The following THRB variants were observed in gnomAD, a reference collection of about 807,000 sequenced individuals.
THRB encodes nuclear receptor subfamily 1 group A member 2.
Under a neutral mutation model 47.8 loss-of-function variants are expected in THRB, and 12 were observed. That is an observed-to-expected ratio of 0.25 (90% CI 0.16 to 0.41). The LOEUF (loss-of-function observed/expected upper bound fraction) is 0.41. THRB is among the 10% of genes least tolerant of loss of function. The pLI is 1.00. For missense variants in THRB, 348 were observed against 589.2 expected, an observed-to-expected ratio of 0.59 and a Z score of 4.24; for synonymous variants, 218 against 212.2, an observed-to-expected ratio of 1.03 and a Z score of -0.24.
chr3:24,225,693 ATCACGGT>A (rs1425057593), intron 4 of THRB, among the ~76,000 whole-genome samples: 1 of 152,230 alleles, frequency 6.6e-6, no homozygotes, highest in Admixed American at 6.5e-5. Flanking sequence ...TATGCTGAGG[ATCACGGT>A]TTTATTAAAA....
intron 2 of THRB, among the ~76,000 whole-genome samples, chr3:24,302,513 C>T (rs1400086499): frequency 6.6e-6 from 1 of 152,150 alleles, no homozygotes. Flanking sequence ...GTCTCAAGGC[C>T]TTTGAACTTG....
intron 3 of THRB, among the ~76,000 whole-genome samples, chr3:24,240,666 C>G (rs1266558426): frequency 2.0e-5 from 3 of 152,158 alleles, no homozygotes; most frequent in Non-Finnish European, 4.4e-5. Flanking sequence ...ATAGCATAAG[C>G]TAAACTAGTG....
At chr3:24,276,221 T>C (rs192943593) in intron 3 of THRB, among the ~76,000 whole-genome samples, 331 of 152,314 alleles carry the variant, frequency 2.2e-3, no homozygotes, top group Non-Finnish European at 3.7e-3. Flanking sequence ...AGTTAGTGTA[T>C]AATAATTGGT....
At chr3:24,417,932 G>A (rs1199361390) in intron 1 of THRB, among the ~76,000 whole-genome samples, 2 of 151,870 alleles carry the variant, frequency 1.3e-5, no homozygotes, top group East Asian at 3.9e-4. Flanking sequence ...AAGTGGCAGA[G>A]TCACATTCAA....
chr3:24,135,460 T>C (rs1288753597), intron 8 of THRB, among the ~76,000 whole-genome samples: 1 of 152,170 alleles, frequency 6.6e-6, no homozygotes, highest in East Asian at 1.9e-4. Context: ...TGAAACCTGG[T>C]TTCTGTCGTG....
At chr3:24,268,457 C>A (rs905179069) in intron 3 of THRB, among the ~76,000 whole-genome samples, 3 of 152,192 alleles carry the variant, frequency 2.0e-5, no homozygotes, top group East Asian at 1.9e-4. Context: ...TTAAAAAAGA[C>A]CTCATTTAGA....
intron 1 of THRB, among the ~76,000 whole-genome samples, chr3:24,344,559 A>C (rs180732881): frequency 0.01 from 1,546 of 152,216 alleles, 9 homozygotes; most frequent in South Asian, 0.016. Context: ...TATATAGAAA[A>C]ATATTCTCAC....
In THRB at chr3:24,246,278, G is replaced by A. The variant is rs140111667; in HGVS notation, c.-42-17277C>T. 4.3e-3 allele frequency among the ~76,000 whole-genome samples: 656 copies of A among 152,244 alleles called. 3 individuals carry two copies. The highest frequency in any genetic ancestry group is 0.016 in the South Asian group (78 of 4,826). On this transcript the variant is annotated intron_variant, in intron 3 of 10. Transcript: ENST00000646209. ...AATTCCGTAGGGTCCTGGTCATTTT[G>A]TTACACACCAAGAGAAGAGCTGGCA...
At chr3:24,366,982 T>C (rs2064520788) in intron 1 of THRB, among the ~76,000 whole-genome samples, 1 of 152,152 alleles carries the variant, frequency 6.6e-6, no homozygotes, top group Non-Finnish European at 1.5e-5. Flanking sequence ...ATCAATTTTT[T>C]TTTCTGTGAC....
chr3:24,305,931 C>G lies in THRB; in HGVS notation c.-188-8560G>C, dbSNP rs561853456. Among the ~76,000 whole-genome samples, 106 of 152,260 alleles carry G rather than the reference C, an allele frequency of 7.0e-4. 3 individuals carry two copies. The South Asian group carries it at 0.021, about 30-fold the overall frequency. ...CTTTTTTTCCAAGACTGGGCTGACT[C>G]CCAAGAAATCTGAGTCTATCTCCTC... On this transcript the variant is annotated intron_variant, in intron 2 of 10. Transcript: ENST00000646209.
At chr3:24,238,553 C>T (rs2150214418) in intron 3 of THRB, among the ~76,000 whole-genome samples, 1 of 152,158 alleles carries the variant, frequency 6.6e-6, no homozygotes, top group South Asian at 2.1e-4. Context: ...CAATCCACTC[C>T]CTTCTGCAAC....
chr3:24,224,274 A>G lies in THRB; in HGVS notation c.22+4664T>C, dbSNP rs62253718. 4.4e-3 allele frequency among the ~76,000 whole-genome samples: 665 copies of G among 152,310 alleles called. 3 individuals carry two copies. Among genetic ancestry groups the G allele is most frequent in the Non-Finnish European group, 7.8e-3 (529 of 68,022 alleles). On this transcript the variant is annotated intron_variant, in intron 4 of 10. Transcript: ENST00000646209. The stretch of plus-strand genomic sequence containing the variant: ...AATAAATATGTATTCATCGTATATT[A>G]TTTATAACAATATTATGTTAATAGC...
Position 24,154,193 on chromosome 3 carries a change from G to A in THRB, c.284-1703C>T, listed in dbSNP as rs956237010. The stretch of plus-strand genomic sequence containing the variant: ...TTTACTTTTGCATCATGCAAACCAT[G>A]ATTCATCTGTTGAGTTCACTGCAAG... On this transcript the variant is annotated intron_variant, in intron 5 of 10. Coordinates refer to ENST00000646209, the MANE Select transcript of THRB (RefSeq NM_001354712.2). Among the ~76,000 whole-genome samples the A allele has an allele frequency of 2.0e-5, 3 of 152,120 alleles. No homozygotes were observed. The East Asian group carries it at 5.8e-4, about 29-fold the overall frequency.
At chr3:24,279,551 A>AT (rs763650108) in intron 3 of THRB, among the ~76,000 whole-genome samples, 1 of 83,686 alleles carries the variant, frequency 1.2e-5, no homozygotes. Flanking sequence ...CGGCTGGCTA[A>AT]TTTTTTTGTA....
At chr3:24,330,706 G>A (rs2061869270) in intron 2 of THRB, among the ~76,000 whole-genome samples, 1 of 152,188 alleles carries the variant, frequency 6.6e-6, no homozygotes, top group African/African-American at 2.4e-5. Flanking sequence ...AAGCTGCATG[G>A]GAAGACACCT....
At chr3:24,147,367 T>A (rs1310464454) in intron 6 of THRB, among the ~76,000 whole-genome samples, 1 of 152,250 alleles carries the variant, frequency 6.6e-6, no homozygotes, top group African/African-American at 2.4e-5. Flanking sequence ...TTTTTGAATC[T>A]TGAGACAGCC....
intron 3 of THRB, among the ~76,000 whole-genome samples, chr3:24,255,811 A>AAAATC (rs2051212111): frequency 6.6e-6 from 1 of 152,228 alleles, no homozygotes; most frequent in Non-Finnish European, 1.5e-5. Flanking sequence ...AAGATTTTAT[A>AAAATC]TTTATCCTAA....
intron 4 of THRB, among the ~76,000 whole-genome samples, chr3:24,213,828 G>A (rs2046302408): frequency 6.6e-6 from 1 of 152,178 alleles, no homozygotes; most frequent in Non-Finnish European, 1.5e-5. Context: ...TGGTTAATGG[G>A]GAATGTGAAA....
At chr3:24,144,073 A>G (rs1346985739) in intron 7 of THRB, 1 of 283,448 alleles carries the variant, frequency 3.5e-6, no homozygotes, top group Non-Finnish European at 6.8e-6. Context: ...AGTCATCCGA[A>G]TTCACTCTCT....
Sources: allele counts gnomAD v4.1 joint callset (sites outside exome capture counted in the v4.1 genomes callset), GRCh38; gene constraint gnomAD v4.1.1; transcripts MANE v1.5; gene names NCBI Gene and HGNC (gene_info 2026-07-23, HGNC 2026-07-21).